GALNT13: variants seen among roughly 807,000 people sequenced by gnomAD.
GALNT13 encodes the protein polypeptide N-acetylgalactosaminyltransferase 13.
In GALNT13, 28 loss-of-function variants were observed where a neutral mutation model predicts 64.2. The observed-to-expected ratio is 0.44, with a 90% CI of 0.32 to 0.60. GALNT13 has a LOEUF of 0.60. Among genes scored for constraint, GALNT13 ranks in the 20% least tolerant of loss-of-function variants. GALNT13 has a pLI of 0.05. For synonymous variants in GALNT13, 214 were observed against 224.6 expected, an observed-to-expected ratio of 0.95 and a Z score of 0.42; for missense variants, 577 against 669.8, an observed-to-expected ratio of 0.86 and a Z score of 1.53.
chr2:153,356,165 T>C, the GALNT13 span, among the ~76,000 whole-genome samples: 7 of 152,214 alleles, frequency 4.6e-5, no homozygotes, highest in Admixed American at 2.0e-4. Context: ...AATAAGTAGA[T>C]AAAGTTAGCT....
the GALNT13 span, chr2:153,593,027 A>C: frequency 2.0e-5 from 3 of 152,402 alleles, no homozygotes; most frequent in South Asian, 2.1e-4. Context: ...CACAGGAAGA[A>C]GGAAATCTCT....
chr2:153,279,629 G>A, the GALNT13 span, among the ~76,000 whole-genome samples: 14 of 151,938 alleles, frequency 9.2e-5, no homozygotes, highest in Non-Finnish European at 1.9e-4. Context: ...TGTGATTTTT[G>A]ATTTTAATTC....
chr2:153,737,135 C>T, the GALNT13 span, among the ~76,000 whole-genome samples: 1 of 152,210 alleles, frequency 6.6e-6, no homozygotes, highest in South Asian at 2.1e-4. Context: ...TGCCTGGTGG[C>T]TTATGAACCT....
At chr2:153,534,632 T>C in the GALNT13 span, among the ~76,000 whole-genome samples, 1 of 151,210 alleles carries the variant, frequency 6.6e-6, no homozygotes, top group African/African-American at 2.4e-5. Context: ...GGCCGTTTTA[T>C]AGGATTTGGG....
chr2:154,368,448 T>C (rs1378748404), intron 9 of GALNT13, among the ~76,000 whole-genome samples: 2 of 152,106 alleles, frequency 1.3e-5, no homozygotes, highest in Admixed American at 6.6e-5. Context: ...TGAAGGCCTT[T>C]TTTAATGGAG....
At chr2:153,652,385 C>T in the GALNT13 span, among the ~76,000 whole-genome samples, 1 of 152,092 alleles carries the variant, frequency 6.6e-6, no homozygotes, top group Non-Finnish European at 1.5e-5. Flanking sequence ...CCTTGGGAGA[C>T]TGAGGCGGGA....
At chr2:153,233,696 G>GCT in the GALNT13 span, among the ~76,000 whole-genome samples, 1 of 152,028 alleles carries the variant, frequency 6.6e-6, no homozygotes, top group Non-Finnish European at 1.5e-5. Context: ...TTAAATGAAG[G>GCT]CTAAATGCCA....
intron 3 of GALNT13, among the ~76,000 whole-genome samples, chr2:154,032,864 C>CCTT (rs372400322): frequency 1.1e-4 from 12 of 110,096 alleles, no homozygotes; most frequent in Non-Finnish European, 1.8e-4. Context: ...CCTACATTTC[C>CCTT]TTTTTTTTTT....
the GALNT13 span, among the ~76,000 whole-genome samples, chr2:153,183,229 TA>T: frequency 6.6e-6 from 1 of 152,218 alleles, no homozygotes; most frequent in Non-Finnish European, 1.5e-5. Context: ...TAATGATCCA[TA>T]ATGTTAAACT....
At chr2:153,682,915 G>T in the GALNT13 span, among the ~76,000 whole-genome samples, 1 of 151,678 alleles carries the variant, frequency 6.6e-6, no homozygotes, top group East Asian at 1.9e-4. Context: ...CACCTTTCTG[G>T]ATGCTAAATG....
the GALNT13 span, among the ~76,000 whole-genome samples, chr2:153,719,724 C>T: frequency 6.6e-6 from 1 of 152,000 alleles, no homozygotes; most frequent in Non-Finnish European, 1.5e-5. Flanking sequence ...AATCGGGTCA[C>T]TCCCACCCGA....
chr2:153,240,417 T>G, the GALNT13 span, among the ~76,000 whole-genome samples: 52,649 of 151,876 alleles, frequency 0.35, 9,285 homozygotes, highest in Middle Eastern at 0.49. Context: ...TGGTTACAAA[T>G]TTGGGGCTCA....
the GALNT13 span, among the ~76,000 whole-genome samples, chr2:153,389,915 CAAGTT>C: frequency 2.0e-5 from 3 of 151,950 alleles, no homozygotes; most frequent in Non-Finnish European, 4.4e-5. Flanking sequence ...AGTTATTGCA[CAAGTT>C]AAGAATAATA....
chr2:154,328,584 G>A (rs1469493915), intron 9 of GALNT13, among the ~76,000 whole-genome samples: 1 of 152,086 alleles, frequency 6.6e-6, no homozygotes, highest in Non-Finnish European at 1.5e-5. Context: ...AGCAACATCA[G>A]CATCACCTGG....
At chr2:153,144,417 A>G in the GALNT13 span, among the ~76,000 whole-genome samples, 1 of 151,918 alleles carries the variant, frequency 6.6e-6, no homozygotes. Flanking sequence ...CTTTACTCCT[A>G]TGCAACCTTC....
chr2:154,127,898 A>G (rs2105537116), intron 3 of GALNT13, among the ~76,000 whole-genome samples: 1 of 151,878 alleles, frequency 6.6e-6, no homozygotes. Context: ...AATCAGGTAA[A>G]ATTTTAAGGA....
chr2:153,257,497 C>G, the GALNT13 span, among the ~76,000 whole-genome samples: 1 of 152,160 alleles, frequency 6.6e-6, no homozygotes, highest in South Asian at 2.1e-4. Flanking sequence ...CTCTTAAATG[C>G]AGGTTTCTGA....
At chr2:153,435,769 G>A in the GALNT13 span, among the ~76,000 whole-genome samples, 15 of 152,214 alleles carry the variant, frequency 9.9e-5, no homozygotes, top group South Asian at 3.1e-3. Flanking sequence ...CATGTCGTCT[G>A]CAAACAGGGA....
chr2:153,968,560 G>A (rs1278584221), intron 3 of GALNT13, among the ~76,000 whole-genome samples: 1 of 152,130 alleles, frequency 6.6e-6, no homozygotes, highest in Non-Finnish European at 1.5e-5. Flanking sequence ...TGCTTATCTG[G>A]TTTTTATGAA....
Sources: allele counts gnomAD v4.1 joint callset (sites outside exome capture counted in the v4.1 genomes callset), GRCh38; gene constraint gnomAD v4.1.1; transcripts MANE v1.5; gene names NCBI Gene and HGNC (gene_info 2026-07-23, HGNC 2026-07-21).